The following CUL2 variants were observed in gnomAD, a reference collection of about 807,000 sequenced individuals.
CUL2 encodes cullin 2.
In CUL2, 22 loss-of-function variants were observed where a neutral mutation model predicts 110.2. That is an observed-to-expected ratio of 0.20 (90% CI 0.14 to 0.28). The LOEUF (loss-of-function observed/expected upper bound fraction) is 0.28, where lower values mean the gene tolerates loss of function less well. CUL2 is among the 10% of genes least tolerant of loss of function. The pLI is 1.00. For missense variants in CUL2, 631 were observed against 905.5 expected (o/e 0.70, Z 3.89); for synonymous variants, 279 against 293.2 (o/e 0.95, Z 0.49).
chr10:35,093,397 C>T (rs2087243773), upstream of CUL2, among the ~76,000 whole-genome samples: 1 of 152,006 alleles, frequency 6.6e-6, no homozygotes, highest in Admixed American at 6.6e-5. Flanking sequence ...GACTTGGTGG[C>T]TCATGCCTCC....
In CUL2 at chr10:35,009,975, G is replaced by A. The variant is rs1588937304; in HGVS notation, c.*336C>T. Reference sequence around the variant, plus strand: ...CAATATTTAAGTTTTTAAATTTTATGTCCTTTAAGATACATTAAAAAAAAA... The same window carrying A: ...CAATATTTAAGTTTTTAAATTTTATATCCTTTAAGATACATTAAAAAAAAA... On this transcript the variant is annotated 3_prime_UTR_variant, in exon 21 of 21. Transcript: ENST00000374749. 6.8e-6 allele frequency: 1 copy of A among 146,084 alleles called. No individual in the cohort carries two copies. The highest frequency in any genetic ancestry group is 1.5e-5 in the Non-Finnish European group (1 of 68,532). The allele number at this position is 146,084 out of a possible 1,614,324, so 9.0% of individuals were successfully genotyped here.
chr10:35,015,515 T>C (rs1203215115), intron 18 of CUL2, among the ~76,000 whole-genome samples: 1 of 151,994 alleles, frequency 6.6e-6, no homozygotes, highest in Non-Finnish European at 1.5e-5. Flanking sequence ...AAACAAAACA[T>C]TATTTATAGG....
chr10:35,090,951 T>C (rs998377299), upstream of CUL2, among the ~76,000 whole-genome samples: 1 of 152,204 alleles, frequency 6.6e-6, no homozygotes, highest in African/African-American at 2.4e-5. Context: ...AAAAATAAAT[T>C]AGCAAAACTA....
chr10:35,042,551 A>G (rs185564266), intron 8 of CUL2, among the ~76,000 whole-genome samples: 2 of 152,220 alleles, frequency 1.3e-5, no homozygotes, highest in Admixed American at 1.3e-4. Context: ...TGTGGGTCAT[A>G]AGACCCTCCC....
rs139851712 is a variant in CUL2 at position 35,054,509 on chromosome 10, A to G, written c.348T>C (p.Asn116=). ...RYLNTQFIKK[N]KLTEADLQYG... ...ACTGAAGGTCCGCTTCTGTTAATTTATTCTTTTTAATAAACTGGGTGTTGA... is the reference window on the plus strand; with the variant it reads ...ACTGAAGGTCCGCTTCTGTTAATTTGTTCTTTTTAATAAACTGGGTGTTGA... The change falls in exon 5 of 21, where the codon AAT becomes AAC. Residue 116 remains asparagine, a synonymous_variant. Coordinates refer to ENST00000374749, the MANE Select transcript of CUL2 (RefSeq NM_003591.4). 52 of 1,595,484 alleles carry G rather than the reference A, an allele frequency of 3.3e-5. No individual in the cohort carries two copies. The African/African-American group carries it at 5.9e-4, about 18-fold the overall frequency.
chr10:35,044,358 T>C (rs534387287), intron 8 of CUL2, among the ~76,000 whole-genome samples: 7 of 152,252 alleles, frequency 4.6e-5, no homozygotes, highest in Non-Finnish European at 8.8e-5. Context: ...GCATCAATTA[T>C]GATGAAAACT....
intron 1 of CUL2, among the ~76,000 whole-genome samples, chr10:35,089,608 A>T (rs769547777): frequency 1.3e-5 from 2 of 152,206 alleles, no homozygotes; most frequent in Admixed American, 6.5e-5. Flanking sequence ...TTTTATTTGC[A>T]TGCACGTAAT....
chr10:35,087,872 T>C (rs4934720), intron 1 of CUL2, among the ~76,000 whole-genome samples: 44,492 of 104,384 alleles, frequency 0.43, 7,050 homozygotes, highest in South Asian at 0.53. Context: ...AGCCTTTTAA[T>C]GTATCTAAGA....
chr10:35,015,293 CAA>C (rs201140168), intron 18 of CUL2, among the ~76,000 whole-genome samples: 120 of 80,774 alleles, frequency 1.5e-3, no homozygotes, highest in African/African-American at 3.9e-3. Flanking sequence ...AACTCCGTCT[CAA>C]AAAAAAAAAA....
In CUL2 at chr10:35,016,209, T is replaced by G. The variant is rs1462129163; in HGVS notation, c.1870A>C (p.Asn624His). The change falls in exon 18 of 21, where the codon AAC becomes CAC. Residue 624 changes from asparagine (N) to histidine (H), a missense_variant. By Grantham distance (68) the Asn-to-His change is moderately conservative. Transcript: ENST00000374749. ...CTACATACCTTTTCTGAATCATGGT[T>G]AATCATTTTCACATCAAGTAATGAT... Reference protein sequence around the residue: ...IKSLLDVKMINHDSEKEDIDA... With the variant: ...IKSLLDVKMIHHDSEKEDIDA... The G allele has an allele frequency of 6.2e-7, 1 of 1,613,116 alleles. No homozygotes were observed. The highest frequency in any genetic ancestry group is 8.5e-7 in the Non-Finnish European group (1 of 1,179,222).
At chr10:35,045,807 G>T (rs951032526) in intron 6 of CUL2, among the ~76,000 whole-genome samples, 2 of 152,190 alleles carry the variant, frequency 1.3e-5, no homozygotes, top group African/African-American at 4.8e-5. Flanking sequence ...GGGATTTTGT[G>T]ACTCTAGTAC....
At chr10:35,029,448 A>C (rs1486202632) in intron 15 of CUL2, 40 bp downstream of exon 15, 2 of 1,327,688 alleles carry the variant, frequency 1.5e-6, no homozygotes, top group African/African-American at 3.1e-5. Context: ...AACGTACTGA[A>C]ATGATTAGTA....
At chr10:35,115,606 G>T (rs1230373917) in intron 1 of CUL2, among the ~76,000 whole-genome samples, 1 of 151,244 alleles carries the variant, frequency 6.6e-6, no homozygotes, top group East Asian at 2.0e-4. Context: ...TCTAAATGTT[G>T]GTTCTGGCTG....
intron 1 of CUL2, among the ~76,000 whole-genome samples, chr10:35,077,440 T>C (rs2086848095): frequency 7.0e-6 from 1 of 143,114 alleles, no homozygotes; most frequent in South Asian, 2.3e-4. Context: ...GAGGTTGTGG[T>C]GAGCCAAGAT....
intron 15 of CUL2, 40 bp downstream of exon 15, chr10:35,029,448 A>G: frequency 7.5e-7 from 1 of 1,327,806 alleles, no homozygotes; most frequent in South Asian, 1.5e-5. Flanking sequence ...AACGTACTGA[A>G]ATGATTAGTA....
At chr10:35,118,973 G>T (rs2087641412) in intron 1 of CUL2, among the ~76,000 whole-genome samples, 1 of 152,228 alleles carries the variant, frequency 6.6e-6, no homozygotes, top group Admixed American at 6.5e-5. Flanking sequence ...GGGGTCCCCA[G>T]GCACAGGCTG....
upstream of CUL2, among the ~76,000 whole-genome samples, chr10:35,091,315 C>T (rs1006218587): frequency 6.6e-6 from 1 of 152,146 alleles, no homozygotes; most frequent in Non-Finnish European, 1.5e-5. Flanking sequence ...CCAAACTGCA[C>T]GAACCCTTCA....
At chr10:35,053,105 G>C (rs1366307293) in intron 5 of CUL2, among the ~76,000 whole-genome samples, 2 of 152,160 alleles carry the variant, frequency 1.3e-5, no homozygotes, top group African/African-American at 4.8e-5. Flanking sequence ...TGCTGTGTGT[G>C]TGTGTGTTTA....
intron 17 of CUL2, among the ~76,000 whole-genome samples, chr10:35,024,642 T>C (rs2085292063): frequency 6.6e-6 from 1 of 152,210 alleles, no homozygotes; most frequent in Non-Finnish European, 1.5e-5. Context: ...GGAAATTAGA[T>C]TGTGATAAAA....
Sources: gnomAD v4.1 joint callset for allele counts (sites outside exome capture counted in the v4.1 genomes callset) on GRCh38, gnomAD v4.1.1 for gene constraint, MANE v1.5 for transcripts, NCBI Gene and HGNC (gene_info 2026-07-23, HGNC 2026-07-21) for gene names.